Variants in ZNF658 observed in about 807,000 individuals in gnomAD.
ZNF658 encodes the protein zinc finger protein 658.
A neutral mutation model predicts 78.0 loss-of-function variants in ZNF658; 46 were observed. The observed-to-expected ratio is 0.59, with a 90% CI of 0.47 to 0.75. ZNF658 has a LOEUF of 0.75. Among genes scored for constraint, ZNF658 ranks in the 30% least tolerant of loss-of-function variants. The pLI is 0.00. For synonymous variants in ZNF658, 279 were observed against 408.4 expected (o/e 0.68, Z 3.82); for missense variants, 785 against 1,189.3 (o/e 0.66, Z 5.00).
At chr9:66,910,493 A>G (rs907967233) in intron 4 of ZNF658, among the ~76,000 whole-genome samples, 1 of 151,750 alleles carries the variant, frequency 6.6e-6, no homozygotes, top group Non-Finnish European at 1.5e-5. Context: ...AATAAGTAAC[A>G]TAGAAAGATC....
intron 4 of ZNF658, among the ~76,000 whole-genome samples, chr9:66,914,088 G>T: frequency 6.6e-6 from 1 of 151,526 alleles, no homozygotes; most frequent in South Asian, 2.1e-4. Flanking sequence ...ATTTAAACTG[G>T]AGTGGCATTG....
intron 4 of ZNF658, among the ~76,000 whole-genome samples, chr9:66,909,079 C>A (rs923800612): frequency 1.3e-5 from 2 of 151,856 alleles, no homozygotes; most frequent in African/African-American, 2.4e-5. Context: ...AGGTTATATG[C>A]AAATACTATG....
intron 2 of ZNF658, among the ~76,000 whole-genome samples, chr9:66,905,079 T>TTTTC: frequency 2.8e-5 from 3 of 108,598 alleles, no homozygotes; most frequent in Non-Finnish European, 5.6e-5. Flanking sequence ...TTTTTTTTTT[T>TTTTC]TTTTTTTTTT....
intron 4 of ZNF658, among the ~76,000 whole-genome samples, chr9:66,914,892 C>G (rs999817104): frequency 6.6e-6 from 1 of 152,066 alleles, no homozygotes; most frequent in African/African-American, 2.4e-5. Context: ...TTTGCCTAAT[C>G]TTGCTATGAG....
intron 6 of ZNF658, chr9:66,931,976 T>A (rs1822649732): frequency 6.7e-6 from 1 of 149,620 alleles, no homozygotes; most frequent in South Asian, 2.2e-4. Flanking sequence ...TGGGAGTGAA[T>A]GGTCTCACCT....
At chr9:66,901,348 G>C (rs2117922236) in intron 1 of ZNF658, among the ~76,000 whole-genome samples, 1 of 152,254 alleles carries the variant, frequency 6.6e-6, no homozygotes, top group South Asian at 2.1e-4. Flanking sequence ...TGAGAGATGT[G>C]ACTCCCTGTC....
chr9:66,901,240 C>T (rs1821945980), intron 1 of ZNF658, among the ~76,000 whole-genome samples: 1 of 152,208 alleles, frequency 6.6e-6, no homozygotes, highest in South Asian at 2.1e-4. Flanking sequence ...ACCCTCACAA[C>T]GACCTCTTTG....
At position 66,918,648 on chromosome 9, in the gene ZNF658, C is replaced by T. The variant is rs1274673908; in HGVS notation, c.1082C>T (p.Ala361Val). The change falls in exon 5 of 5, where the codon GCC becomes GTC. Residue 361 changes from alanine (A) to valine (V), a missense_variant. Transcript: ENST00000621410. The stretch of plus-strand genomic sequence containing the variant: ...GGTGAACATAATGAATGTACAGATG[C>T]CCTCTACCAGAAATTAGACTTTACA... ...KFGEHNECTD[A>V]LYQKLDFTAH... 1 of 1,613,446 alleles carries T rather than the reference C, an allele frequency of 6.2e-7. No individual in the cohort carries two copies. The highest frequency in any genetic ancestry group is 8.5e-7 in the Non-Finnish European group (1 of 1,179,642).
chr9:66,929,372 A>G (rs1200852754), intron 6 of ZNF658, among the ~76,000 whole-genome samples: 5 of 136,744 alleles, frequency 3.7e-5, no homozygotes, highest in African/African-American at 1.4e-4. Flanking sequence ...CTGTGCTACC[A>G]CACAGAGCCA....
chr9:66,902,840 C>A (rs527825918), intron 1 of ZNF658: 22 of 152,138 alleles, frequency 1.4e-4, no homozygotes, highest in African/African-American at 5.1e-4. Flanking sequence ...ATTAAGTCAG[C>A]CTGAGTAGTT....
rs775240233 is a variant in ZNF658, at chr9:66,912,111, C to T, written c.238+3377C>T. On this transcript the variant is annotated intron_variant, in intron 4 of 4. Coordinates refer to ENST00000621410, the MANE Select transcript of ZNF658 (RefSeq NM_033160.7). ...TTGCACCACTGCACTCCAGCCTGGG[C>T]GACAGAGCAAGACCCCATCTCAAAA... Among the ~76,000 whole-genome samples, 69 of 40,776 alleles carry T rather than the reference C, an allele frequency of 1.7e-3. 3 individuals carry two copies. In the East Asian group the frequency reaches 0.018, roughly 11 times the overall value. The allele number at this position is 40,776 out of a possible 152,430, so 26.8% of individuals were successfully genotyped here.
At chr9:66,921,905 G>A (rs1439051170), downstream of ZNF658, among the ~76,000 whole-genome samples, 2 of 145,900 alleles carry the variant, frequency 1.4e-5, no homozygotes, top group African/African-American at 2.5e-5. Flanking sequence ...TAAGTCTGCA[G>A]AAGTTTCTGC....
intron 4 of ZNF658, among the ~76,000 whole-genome samples, chr9:66,914,695 T>C (rs1348924900): frequency 1.3e-5 from 2 of 152,152 alleles, no homozygotes; most frequent in Admixed American, 1.3e-4. Flanking sequence ...GGAGATTACA[T>C]TGACCTGAAA....
intron 6 of ZNF658, among the ~76,000 whole-genome samples, chr9:66,931,106 A>G (rs2261958): frequency 0.98 from 146,156 of 149,666 alleles, 71,404 homozygotes; most frequent in Non-Finnish European, 1. Flanking sequence ...CGAGATCTAC[A>G]AACTAATGTA....
intron 1 of ZNF658, chr9:66,903,049 T>G (rs1487461624): frequency 1.3e-5 from 2 of 159,978 alleles, no homozygotes; most frequent in Non-Finnish European, 2.8e-5. Context: ...GACATTAGCT[T>G]TAATGAAGGT....
At position 66,917,885 on chromosome 9, in the gene ZNF658, G is replaced by T. The variant is rs1486754681; in HGVS notation, c.319G>T (p.Ala107Ser). The stretch of plus-strand genomic sequence containing the variant: ...GTGGCAAGAAATATTCATCAGTGAT[G>T]CTGACAAAACATTGAGTAAAGAAGG... ...PLWQEIFISDADKTLSKEGQK... is the reference protein window; with the variant it reads ...PLWQEIFISDSDKTLSKEGQK... Residue 107 changes from alanine to serine, a missense_variant, in exon 5 of 5, where the codon GCT becomes TCT. By Grantham distance (99) the Ala-to-Ser change is moderately conservative (BLOSUM62 1). Around this residue, in one of 12 missense-constraint regions of ZNF658, gnomAD observed 54 missense variants for 48.9 expected, o/e 1.10. Coordinates refer to ENST00000621410, the MANE Select transcript of ZNF658 (RefSeq NM_033160.7). 1 of 1,606,232 alleles carries T rather than the reference G, an allele frequency of 6.2e-7. No individual in the cohort carries two copies. Among genetic ancestry groups the T allele is most frequent in the Non-Finnish European group, 8.5e-7 (1 of 1,178,496 alleles).
rs763788407 is a variant in ZNF658 at position 66,908,337 on chromosome 9, G to C, written c.115G>C (p.Glu39Gln). 9 of 1,613,966 alleles carry C rather than the reference G, an allele frequency of 5.6e-6. No individual in the cohort carries two copies. The highest frequency in any genetic ancestry group is 2.7e-5 in the African/African-American group (2 of 74,912). Residue 39 changes from glutamate to glutamine, a missense_variant, in exon 3 of 5, where the codon GAG becomes CAG. Coordinates refer to ENST00000621410, the MANE Select transcript of ZNF658 (RefSeq NM_033160.7). ...ERTLYRDVMLENYSHLISVGY... is the reference protein window; with the variant it reads ...ERTLYRDVMLQNYSHLISVGY... Reference sequence around the variant, plus strand: ...GACGCTGTACAGAGATGTGATGCTGGAGAACTACAGCCACCTCATCTCAGT... The same window carrying C: ...GACGCTGTACAGAGATGTGATGCTGCAGAACTACAGCCACCTCATCTCAGT...
chr9:66,902,891 A>T (rs892418795), intron 1 of ZNF658: 8 of 151,592 alleles, frequency 5.3e-5, no homozygotes, highest in Non-Finnish European at 1.5e-5. Flanking sequence ...TTTATTTTTT[A>T]TTTTTTTCTA....
chr9:66,910,538 G>A (rs967075757), intron 4 of ZNF658, among the ~76,000 whole-genome samples: 1 of 151,786 alleles, frequency 6.6e-6, no homozygotes, highest in Non-Finnish European at 1.5e-5. Context: ...GCCAGGCGTG[G>A]TGGCTCATGC....
Sources: gnomAD v4.1 joint callset for allele counts (sites outside exome capture counted in the v4.1 genomes callset) on GRCh38, gnomAD v4.1.1 for gene constraint, gnomAD v4.1.1 regional missense constraint, MANE v1.5 for transcripts, NCBI Gene and HGNC (gene_info 2026-07-23, HGNC 2026-07-21) for gene names.